Variants in STPG2 observed in about 807,000 individuals in gnomAD.
STPG2 encodes sperm-tail PG-rich repeat-containing protein 2.
STPG2 carries 56 observed loss-of-function variants against 54.2 expected under a neutral mutation model. That is an observed-to-expected ratio of 1.03 (90% CI 0.83 to 1.29). The LOEUF (loss-of-function observed/expected upper bound fraction) is 1.29. Ranked by LOEUF, STPG2 falls within the 50% of genes most tolerant of loss-of-function variation. The probability of loss-of-function intolerance (pLI) is 0.00; values close to 1 mark genes in which losing one functional copy is unlikely to be tolerated. For synonymous variants in STPG2, 200 were observed against 181.8 expected (o/e 1.10, Z -0.81); for missense variants, 596 against 544.9 (o/e 1.09, Z -0.93).
chr4:98,046,758 C>T (rs1436672449), intron 5 of STPG2, among the ~76,000 whole-genome samples: 2 of 152,046 alleles, frequency 1.3e-5, no homozygotes, highest in Non-Finnish European at 2.9e-5. Context: ...GCAAACATCT[C>T]CACTCTCATT....
rs530637457 is a variant in STPG2, at chr4:97,527,249, G to A, written c.462+185450C>T. On this transcript the variant is annotated intron_variant, in intron 4 of 4. Coordinates refer to the STPG2 transcript ENST00000522676. ...CCACTTATGAGTGAGAACATGTGGG[G>A]TTTGGTTTTCTGTTCCTGGGTTAGT... is the stretch of plus-strand genomic sequence containing the variant. Among the ~76,000 whole-genome samples the A allele has an allele frequency of 5.3e-5, 8 of 152,196 alleles. No homozygotes were observed. The South Asian group carries it at 1.4e-3, about 28-fold the overall frequency.
chr4:97,942,617 C>T (rs973907997), intron 8 of STPG2, among the ~76,000 whole-genome samples: 8 of 152,036 alleles, frequency 5.3e-5, no homozygotes, highest in Non-Finnish European at 1.0e-4. Flanking sequence ...ATAGCTTTCA[C>T]CAAATTAATC....
intron 5 of STPG2, among the ~76,000 whole-genome samples, chr4:98,070,578 T>C (rs1375694687): frequency 2.0e-5 from 3 of 151,422 alleles, no homozygotes; most frequent in Non-Finnish European, 4.4e-5. Context: ...TGTCAAATTA[T>C]CTTCGCAAAT....
chr4:97,604,623 C>G (rs2148909504), intron 10 of STPG2, among the ~76,000 whole-genome samples: 1 of 151,790 alleles, frequency 6.6e-6, no homozygotes, highest in East Asian at 1.9e-4. Context: ...CCGGTTCTCT[C>G]TAGTGTAAAA....
chr4:97,714,056 G>A (rs913852119), intron 9 of STPG2, among the ~76,000 whole-genome samples: 7 of 151,852 alleles, frequency 4.6e-5, no homozygotes, highest in Non-Finnish European at 1.0e-4. Flanking sequence ...TGTATGGGGA[G>A]AGAAAATAAA....
At chr4:98,124,952 C>A (rs772802152) in intron 3 of STPG2, among the ~76,000 whole-genome samples, 1 of 152,172 alleles carries the variant, frequency 6.6e-6, no homozygotes, top group East Asian at 1.9e-4. Flanking sequence ...ATTCTTTTCT[C>A]CACTTGGTTT....
chr4:97,544,243 A>T (rs1193935247), intron 4 of STPG2, among the ~76,000 whole-genome samples: 2 of 152,118 alleles, frequency 1.3e-5, no homozygotes, highest in Non-Finnish European at 2.9e-5. Flanking sequence ...ATCCATGGAG[A>T]TATCCGTAAA....
chr4:97,809,255 G>A (rs1727664660), intron 9 of STPG2, among the ~76,000 whole-genome samples: 1 of 152,060 alleles, frequency 6.6e-6, no homozygotes, highest in African/African-American at 2.4e-5. Flanking sequence ...TAAAAAGGAA[G>A]GACTATAGGA....
chr4:97,527,333 C>A (rs928935619), intron 4 of STPG2, among the ~76,000 whole-genome samples: 2 of 152,094 alleles, frequency 1.3e-5, no homozygotes, highest in Admixed American at 1.3e-4. Context: ...ATGAACTCAT[C>A]CTTTTCTTAT....
intron 4 of STPG2, among the ~76,000 whole-genome samples, chr4:97,489,059 C>T (rs1730441416): frequency 6.6e-6 from 1 of 151,588 alleles, no homozygotes. Flanking sequence ...CCATGCTGTT[C>T]TCATGATAGT....
At chr4:97,943,629 T>C (rs1435027420) in intron 8 of STPG2, among the ~76,000 whole-genome samples, 1 of 152,130 alleles carries the variant, frequency 6.6e-6, no homozygotes, top group Non-Finnish European at 1.5e-5. Context: ...ACACAGCAAG[T>C]TCAGCTTTCA....
chr4:97,890,365 A>T (rs943858504), intron 8 of STPG2, among the ~76,000 whole-genome samples: 10 of 152,208 alleles, frequency 6.6e-5, no homozygotes, highest in Middle Eastern at 3.4e-3. Context: ...AATTTTTTTT[A>T]AATTATTTTG....
intron 10 of STPG2, among the ~76,000 whole-genome samples, chr4:97,561,069 A>G (rs1203283318): frequency 1.3e-5 from 2 of 152,074 alleles, no homozygotes; most frequent in African/African-American, 4.8e-5. Context: ...TCCCACCAAC[A>G]GTGTAAAAGT....
At chr4:97,629,627 G>C (rs536632633) in intron 10 of STPG2, among the ~76,000 whole-genome samples, 151 of 152,020 alleles carry the variant, frequency 9.9e-4, no homozygotes, top group Middle Eastern at 3.4e-3. Flanking sequence ...TCACAAAGTA[G>C]GTATTCAATA....
Position 98,134,397 on chromosome 4 carries a change from T to C in STPG2, c.172A>G (p.Ile58Val). ...CCTGGACCTGGAACAGCTTTCTCAA[T>C]GCTAGAGGCAATGGTAAAAGTACTT... ...RESTFTIASS[I>V]EKAVPGPGHY... Residue 58 changes from isoleucine to valine, a missense_variant, in exon 2 of 11, where the codon ATT (isoleucine) becomes GTT (valine). Transcript: ENST00000295268. 1 of 1,589,074 alleles carries C rather than the reference T, an allele frequency of 6.3e-7. No individual in the cohort carries two copies. The highest frequency in any genetic ancestry group is 1.4e-5 in the African/African-American group (1 of 74,020).
chr4:98,040,243 G>A (rs1315705808), intron 5 of STPG2, among the ~76,000 whole-genome samples: 2 of 151,864 alleles, frequency 1.3e-5, no homozygotes, highest in Admixed American at 6.6e-5. Flanking sequence ...TGCATAGTCC[G>A]AAAATATCTT....
chr4:97,942,628 T>G (rs1227934912), intron 8 of STPG2, among the ~76,000 whole-genome samples: 1 of 152,124 alleles, frequency 6.6e-6, no homozygotes, highest in Non-Finnish European at 1.5e-5. Flanking sequence ...CAAATTAATC[T>G]AATTGCTATT....
At chr4:97,610,949 A>C (rs1482161537) in intron 10 of STPG2, among the ~76,000 whole-genome samples, 1 of 152,098 alleles carries the variant, frequency 6.6e-6, no homozygotes, top group African/African-American at 2.4e-5. Context: ...CATAGGTGAA[A>C]TATTTTTCCA....
At chr4:97,753,332 A>T (rs939206102) in intron 9 of STPG2, among the ~76,000 whole-genome samples, 2 of 151,900 alleles carry the variant, frequency 1.3e-5, no homozygotes, top group Non-Finnish European at 2.9e-5. Context: ...ACTGTACAAT[A>T]CTTGTCCTTC....
Sources: allele counts gnomAD v4.1 joint callset (sites outside exome capture counted in the v4.1 genomes callset), GRCh38; gene constraint gnomAD v4.1.1; transcripts MANE v1.5; gene names NCBI Gene and HGNC (gene_info 2026-07-23, HGNC 2026-07-21).